ZDHHC20: variants seen among roughly 807,000 people sequenced by gnomAD.
The protein encoded by ZDHHC20 is zDHHC palmitoyltransferase 20.
A neutral mutation model predicts 57.8 loss-of-function variants in ZDHHC20; 43 were observed. That is an observed-to-expected ratio of 0.74 (90% CI 0.58 to 0.96). The LOEUF (loss-of-function observed/expected upper bound fraction) is 0.96, where lower values mean the gene tolerates loss of function less well. ZDHHC20 is among the 40% of genes least tolerant of loss of function. The probability of loss-of-function intolerance (pLI) is 0.00; values close to 1 mark genes in which losing one functional copy is unlikely to be tolerated. For missense variants in ZDHHC20, 391 were observed against 441.1 expected, an observed-to-expected ratio of 0.89 and a Z score of 1.02; for synonymous variants, 157 against 153.0, an observed-to-expected ratio of 1.03 and a Z score of -0.19.
intron 9 of ZDHHC20, among the ~76,000 whole-genome samples, 159 bp downstream of exon 9, chr13:21,387,349 A>G (rs1370712699): frequency 6.6e-6 from 1 of 152,086 alleles, no homozygotes; most frequent in Non-Finnish European, 1.5e-5. Context: ...AATGAAAAAT[A>G]AAATATTTTA....
chr13:21,389,322 T>A (rs1875201313), intron 8 of ZDHHC20, among the ~76,000 whole-genome samples: 1 of 152,140 alleles, frequency 6.6e-6, no homozygotes, highest in African/African-American at 2.4e-5. Flanking sequence ...TAGAAAGTGG[T>A]GTGCTAAGCA....
At chr13:21,442,765 A>C (rs923028263) in intron 1 of ZDHHC20, among the ~76,000 whole-genome samples, 3 of 152,108 alleles carry the variant, frequency 2.0e-5, no homozygotes, top group African/African-American at 7.2e-5. Context: ...AAAAAAAAAA[A>C]CAAAAAACTT....
intron 8 of ZDHHC20, among the ~76,000 whole-genome samples, chr13:21,391,443 G>A (rs1448295067): frequency 2.6e-5 from 4 of 151,946 alleles, no homozygotes; most frequent in Non-Finnish European, 5.9e-5. Flanking sequence ...TAAAACCATT[G>A]TTCCCATCCA....
chr13:21,389,857 T>C (rs1012452925), intron 8 of ZDHHC20, among the ~76,000 whole-genome samples: 7 of 152,232 alleles, frequency 4.6e-5, no homozygotes, highest in African/African-American at 1.4e-4. Context: ...ATCACTCACA[T>C]AGATTTTATT....
At chr13:21,387,972 A>G (rs916321126) in intron 8 of ZDHHC20, among the ~76,000 whole-genome samples, 7 of 152,072 alleles carry the variant, frequency 4.6e-5, no homozygotes, top group African/African-American at 1.7e-4. Context: ...TGAATTTCCT[A>G]CTATGTTCCT....
chr13:21,379,010 CT>C (rs1262717676), intron 11 of ZDHHC20, among the ~76,000 whole-genome samples: 1 of 152,130 alleles, frequency 6.6e-6, no homozygotes, highest in Non-Finnish European at 1.5e-5. Context: ...ACAAAATGAA[CT>C]TTTCCCTAGA....
chr13:21,429,837 T>C (rs2137948954), intron 1 of ZDHHC20, among the ~76,000 whole-genome samples: 1 of 152,346 alleles, frequency 6.6e-6, no homozygotes, highest in African/African-American at 2.4e-5. Context: ...TAATGTTTTA[T>C]CTTCAAGTTC....
chr13:21,379,566 G>A (rs1001869947), intron 11 of ZDHHC20, among the ~76,000 whole-genome samples: 31 of 151,974 alleles, frequency 2.0e-4, no homozygotes, highest in Admixed American at 1.6e-3. Flanking sequence ...ACAGGTGTGA[G>A]CCACTGTGCC....
intron 7 of ZDHHC20, among the ~76,000 whole-genome samples, chr13:21,393,402 G>A (rs1876134869): frequency 6.6e-6 from 1 of 150,972 alleles, no homozygotes; most frequent in Non-Finnish European, 1.5e-5. Context: ...TTGGGAGGCT[G>A]AGGCAGGAGA....
At chr13:21,458,148 A>G (rs11839663) in intron 1 of ZDHHC20, among the ~76,000 whole-genome samples, 1 of 152,168 alleles carries the variant, frequency 6.6e-6, no homozygotes, top group Admixed American at 6.5e-5. Context: ...AGTCACCCCT[A>G]AACAGTGTTT....
At chr13:21,403,200 T>C (rs1248191976) in intron 4 of ZDHHC20, among the ~76,000 whole-genome samples, 44 of 152,258 alleles carry the variant, frequency 2.9e-4, no homozygotes, top group Non-Finnish European at 1.0e-4. Flanking sequence ...TCCAGTGTTT[T>C]TTTCTATTAT....
chr13:21,456,542 G>C (rs1884943751), intron 1 of ZDHHC20, among the ~76,000 whole-genome samples: 1 of 152,108 alleles, frequency 6.6e-6, no homozygotes, highest in Non-Finnish European at 1.5e-5. Flanking sequence ...CAGTGGGAGG[G>C]TCAGTACTTA....
At chr13:21,408,092 G>A (rs751935475) in intron 4 of ZDHHC20, among the ~76,000 whole-genome samples, 18 of 152,030 alleles carry the variant, frequency 1.2e-4, no homozygotes, top group Non-Finnish European at 1.6e-4. Flanking sequence ...GGATTGTCTC[G>A]GCTATACAGG....
Position 21,376,413 on chromosome 13 carries a change from A to G in ZDHHC20, c.*283T>C. ...CATATTATAGCAACTCATAACAGGTAAGTATTATTTCCAGAATAACATTAA... is the reference window on the plus strand; with the variant it reads ...CATATTATAGCAACTCATAACAGGTGAGTATTATTTCCAGAATAACATTAA... On this transcript the variant is annotated 3_prime_UTR_variant, in exon 13 of 13. Transcript: ENST00000400590. 3.4e-6 allele frequency: 1 copy of G among 298,194 alleles called. No individual in the cohort carries two copies. 18.5% of individuals were successfully genotyped at this position (298,194 alleles called of 1,614,324 possible).
rs1872080955 is a variant in ZDHHC20 at position 21,376,404 on chromosome 13, A to G, written c.*292T>C. The G allele has an allele frequency of 1.4e-5, 4 of 284,054 alleles. No homozygotes were observed. The highest frequency in any genetic ancestry group is 5.3e-5 in the Admixed American group (1 of 18,780). The allele number at this position is 284,054 out of a possible 1,614,324, so 17.6% of individuals were successfully genotyped here. On this transcript the variant is annotated 3_prime_UTR_variant, in exon 13 of 13. Transcript: ENST00000400590. ...ATGACAGCTCATATTATAGCAACTCATAACAGGTAAGTATTATTTCCAGAA... is the reference window on the plus strand; with the variant it reads ...ATGACAGCTCATATTATAGCAACTCGTAACAGGTAAGTATTATTTCCAGAA...
At chr13:21,381,757 C>T in intron 10 of ZDHHC20, 1 of 586,288 alleles carries the variant, frequency 1.7e-6, no homozygotes, top group South Asian at 2.0e-5. Context: ...AATCTGTATT[C>T]CAACACTGCC....
In ZDHHC20 at chr13:21,433,474, G is replaced by A. The variant is rs370752103; in HGVS notation, c.119-7796C>T. Among the ~76,000 whole-genome samples, 237 of 152,112 alleles carry A rather than the reference G, an allele frequency of 1.6e-3. 1 individual carries two copies. Among genetic ancestry groups the A allele is most frequent in the Non-Finnish European group, 2.6e-3 (180 of 67,982 alleles). The stretch of plus-strand genomic sequence containing the variant: ...CTACTAAAAATACAAAAAATTAGCC[G>A]GGCGTGGTGGCGGGTGCCTGTAGTC... On this transcript the variant is annotated intron_variant, in intron 1 of 12. Transcript: ENST00000400590.
chr13:21,374,908 T>G lies in ZDHHC20; in HGVS notation c.*1788A>C, dbSNP rs1593153425. 3.1e-6 allele frequency: 1 copy of G among 327,248 alleles called. No homozygotes were observed. The highest frequency in any genetic ancestry group is 2.2e-5 in the African/African-American group (1 of 45,182). The allele number at this position is 327,248 out of a possible 1,614,324, so 20.3% of individuals were successfully genotyped here. Reference sequence around the variant, plus strand: ...CAGCACTTTGGGAAGCTGAGGTGGGTGGATTATTTGAGGTCAGGAGTTAGT... The same window carrying G: ...CAGCACTTTGGGAAGCTGAGGTGGGGGGATTATTTGAGGTCAGGAGTTAGT... On this transcript the variant is annotated 3_prime_UTR_variant, in exon 13 of 13. Coordinates refer to ENST00000400590, the MANE Select transcript of ZDHHC20 (RefSeq NM_001330059.2).
intron 5 of ZDHHC20, among the ~76,000 whole-genome samples, chr13:21,402,364 A>G (rs1273237055): frequency 3.3e-5 from 5 of 152,190 alleles, no homozygotes; most frequent in Non-Finnish European, 7.3e-5. Context: ...TAGAATATGT[A>G]TTCTATACTT....
Sources: allele counts gnomAD v4.1 joint callset (sites outside exome capture counted in the v4.1 genomes callset), GRCh38; gene constraint gnomAD v4.1.1; transcripts MANE v1.5; gene names NCBI Gene and HGNC (gene_info 2026-07-23, HGNC 2026-07-21).